Variants in DHCR24 observed in about 807,000 individuals in gnomAD.
DHCR24 encodes the protein 24-dehydrocholesterol reductase.
Under a neutral mutation model 61.2 loss-of-function variants are expected in DHCR24, and 28 were observed. The observed-to-expected ratio is 0.46, with a 90% confidence interval of 0.34 to 0.63. The LOEUF (loss-of-function observed/expected upper bound fraction) is 0.63. DHCR24 is among the 20% of genes least tolerant of loss of function. The pLI is 0.01. For synonymous variants in DHCR24, 261 were observed against 275.9 expected, an observed-to-expected ratio of 0.95 and a Z score of 0.54; for missense variants, 538 against 679.1, an observed-to-expected ratio of 0.79 and a Z score of 2.31.
intron 4 of DHCR24, among the ~76,000 whole-genome samples, chr1:54,871,983 C>A (rs115477717): frequency 1.1e-4 from 16 of 152,238 alleles, no homozygotes; most frequent in East Asian, 7.7e-4. Context: ...GGCCTTGACA[C>A]CCTTTAGTGG....
At position 54,853,476 on chromosome 1, in the gene DHCR24, G is replaced by A. The variant is rs1458067371; in HGVS notation, c.1355C>T (p.Ser452Phe). ...AAACTTCTCCAGCTGCCTCATGCAGGACCTGGCTTCAAAGTGTTTCACACG... is the reference window on the plus strand; with the variant it reads ...AAACTTCTCCAGCTGCCTCATGCAGAACCTGGCTTCAAAGTGTTTCACACG... Reference protein sequence around the residue: ...EPRVKHFEARSCMRQLEKFVR... With the variant: ...EPRVKHFEARFCMRQLEKFVR... The change falls in exon 8 of 9, where the codon TCC (serine) becomes TTC (phenylalanine). Residue 452 changes from serine (S) to phenylalanine (F), a missense_variant. By Grantham distance (155) the Ser-to-Phe change is radical (BLOSUM62 -2). Transcript: ENST00000371269. 1.2e-6 allele frequency: 2 copies of A among 1,614,068 alleles called. No homozygotes were observed. The highest frequency in any genetic ancestry group is 1.3e-5 in the African/African-American group (1 of 74,924).
In DHCR24 at chr1:54,852,334, T is replaced by A; in HGVS notation, c.1450A>T (p.Met484Leu). The A allele has an allele frequency of 6.2e-7, 1 of 1,614,078 alleles. No individual in the cohort carries two copies. The highest frequency in any genetic ancestry group is 8.5e-7 in the Non-Finnish European group (1 of 1,180,002). Residue 484 changes from methionine (M) to leucine (L), a missense_variant, in exon 9 of 9, where the codon ATG becomes TTG. Physicochemically the swap from Met to Leu is conservative, Grantham distance 15. Coordinates refer to ENST00000371269, the MANE Select transcript of DHCR24 (RefSeq NM_014762.4). ...TTGTGGTACAAGGAGCCATCAAACA[T>A]CTCCCAGAACTCCTCCCGGTTCATG... ...CYMNREEFWEMFDGSLYHKLR... is the reference protein window; with the variant it reads ...CYMNREEFWELFDGSLYHKLR...
At chr1:54,866,853 T>C (rs1343382306) in intron 5 of DHCR24, among the ~76,000 whole-genome samples, 3 of 152,108 alleles carry the variant, frequency 2.0e-5, no homozygotes, top group Non-Finnish European at 4.4e-5. Context: ...GTGTGGATGG[T>C]ATGGGGCAGC....
At chr1:54,870,660 C>T (rs944458292) in intron 5 of DHCR24, among the ~76,000 whole-genome samples, 5 of 152,184 alleles carry the variant, frequency 3.3e-5, no homozygotes, top group Admixed American at 6.5e-5. Context: ...TGAAACCATC[C>T]GTTTTTTGGC....
intron 5 of DHCR24, 48 bp downstream of exon 5, chr1:54,871,302 C>T (rs771121325): frequency 6.2e-7 from 1 of 1,610,680 alleles, no homozygotes. Flanking sequence ...TCCTAGCACA[C>T]TCATGCCTCC....
chr1:54,883,909 G>C lies in DHCR24; in HGVS notation c.232-136C>G, dbSNP rs1435063601. ...GAGAAACAGAACAATGAAAAGGCCT[G>C]CTGGCCCTACCCTCTGGCACCTCCC... On this transcript the variant is annotated intron_variant, in intron 1 of 8. Transcript: ENST00000371269. This position sits in a 1 kb window ranked among gnomAD's most constrained non-coding sequence, Gnocchi z 4.3. 4.0e-6 allele frequency: 5 copies of C among 1,247,038 alleles called. No homozygotes were observed. The East Asian group carries it at 9.7e-5, about 24-fold the overall frequency. 77.2% of individuals were successfully genotyped at this position (1,247,038 alleles called of 1,614,324 possible).
chr1:54,866,530 C>A (rs1212523612), intron 5 of DHCR24, among the ~76,000 whole-genome samples: 1 of 152,176 alleles, frequency 6.6e-6, no homozygotes, highest in Non-Finnish European at 1.5e-5. Flanking sequence ...CCATTTACAA[C>A]ACACTTAGCA....
rs1647026862 is a variant in DHCR24, at chr1:54,876,033, C to T, written c.402G>A (p.Glu134=). The T allele has an allele frequency of 3.1e-6, 5 of 1,613,956 alleles. No homozygotes were observed. The highest frequency in any genetic ancestry group is 4.2e-6 in the Non-Finnish European group (5 of 1,179,850). ...VDTKKQIVRV[E]PLVTMGQVTA... ...TCACCTGGCCCATGGTCACCAAGGG[C>T]TCCACACGGACAATCTGTTGACACA... is the stretch of plus-strand genomic sequence containing the variant. Residue 134 remains glutamate, a synonymous_variant, in exon 3 of 9, where the codon GAG becomes GAA. Coordinates refer to ENST00000371269, the MANE Select transcript of DHCR24 (RefSeq NM_014762.4).
intron 5 of DHCR24, among the ~76,000 whole-genome samples, chr1:54,866,777 G>A (rs1646970521): frequency 6.6e-6 from 1 of 152,214 alleles, no homozygotes; most frequent in Non-Finnish European, 1.5e-5. Context: ...AGGCCACCCT[G>A]CTGGTGAGGC....
intron 6 of DHCR24, among the ~76,000 whole-genome samples, chr1:54,865,021 C>T (rs1429207067): frequency 6.6e-6 from 1 of 152,204 alleles, no homozygotes; most frequent in African/African-American, 2.4e-5. Context: ...GAGGCTAACC[C>T]TTCCTCAAGG....
chr1:54,873,711 G>A (rs112000395), intron 4 of DHCR24, among the ~76,000 whole-genome samples: 12,954 of 152,262 alleles, frequency 0.085, 699 homozygotes, highest in African/African-American at 0.13. Flanking sequence ...GTGCAGTGGC[G>A]TAATCACGGC....
At chr1:54,867,043 G>C (rs552675475) in intron 5 of DHCR24, among the ~76,000 whole-genome samples, 1 of 152,296 alleles carries the variant, frequency 6.6e-6, no homozygotes, top group South Asian at 2.1e-4. Context: ...GCTCACTGAT[G>C]CATCAGGAGC....
chr1:54,856,959 T>G (rs1260311047), intron 6 of DHCR24, among the ~76,000 whole-genome samples: 1 of 152,220 alleles, frequency 6.6e-6, no homozygotes, highest in Non-Finnish European at 1.5e-5. Context: ...ATGAGACTCC[T>G]GGAGTTCTGT....
intron 8 of DHCR24, 44 bp downstream of exon 8, chr1:54,853,390 G>C: frequency 6.2e-7 from 1 of 1,612,654 alleles, no homozygotes; most frequent in Non-Finnish European, 8.5e-7. Context: ...CAGTACCCTG[G>C]GGCTGTCAGC....
At chr1:54,874,403 A>G (rs1647015084) in intron 4 of DHCR24, among the ~76,000 whole-genome samples, 1 of 152,236 alleles carries the variant, frequency 6.6e-6, no homozygotes, top group African/African-American at 2.4e-5. Flanking sequence ...AGGTATGTTT[A>G]GATACATAAA....
chr1:54,857,831 G>A (rs1017284150), intron 6 of DHCR24, among the ~76,000 whole-genome samples: 3 of 152,126 alleles, frequency 2.0e-5, no homozygotes, highest in Non-Finnish European at 2.9e-5. Flanking sequence ...CCCTGACCCC[G>A]CGTGTTGCTG....
At chr1:54,855,388 C>T (rs1367776591) in intron 6 of DHCR24, among the ~76,000 whole-genome samples, 2 of 115,042 alleles carry the variant, frequency 1.7e-5, no homozygotes, top group East Asian at 2.2e-4. Context: ...AGTGAGACTC[C>T]GTCTCCAAAA....
intron 6 of DHCR24, among the ~76,000 whole-genome samples, chr1:54,857,385 G>A (rs1646913242): frequency 6.6e-6 from 1 of 152,224 alleles, no homozygotes; most frequent in Non-Finnish European, 1.5e-5. Flanking sequence ...TGAACACAAG[G>A]ACCCTATCTT....
At chr1:54,868,160 C>T (rs1176521794) in intron 5 of DHCR24, among the ~76,000 whole-genome samples, 4 of 152,234 alleles carry the variant, frequency 2.6e-5, no homozygotes, top group Middle Eastern at 3.4e-3. Context: ...CTTTGATCTG[C>T]GATTTTATGT....
Sources: allele counts gnomAD v4.1 joint callset (sites outside exome capture counted in the v4.1 genomes callset), GRCh38; gene constraint gnomAD v4.1.1; non-coding constraint Gnocchi (gnomAD v3.1); transcripts MANE v1.5; gene names NCBI Gene and HGNC (gene_info 2026-07-23, HGNC 2026-07-21).